OPCML: variants seen among roughly 807,000 people sequenced by gnomAD.
OPCML encodes the protein opioid binding protein/cell adhesion molecule like.
Under a neutral mutation model 37.8 loss-of-function variants are expected in OPCML, and 13 were observed. That is an observed-to-expected ratio of 0.34 (90% CI 0.22 to 0.55). The LOEUF (loss-of-function observed/expected upper bound fraction) is 0.55. OPCML is among the 20% of genes least tolerant of loss of function. The pLI, the probability that OPCML is intolerant of heterozygous loss-of-function variation, is 0.91. For missense variants in OPCML, 341 were observed against 435.6 expected (o/e 0.78, Z 1.93); for synonymous variants, 176 against 168.8 (o/e 1.04, Z -0.33).
chr11:133,088,152 A>G (rs1226444673), intron 1 of OPCML, among the ~76,000 whole-genome samples: 1 of 152,212 alleles, frequency 6.6e-6, no homozygotes, highest in Non-Finnish European at 1.5e-5. Flanking sequence ...AAAGAGAAAG[A>G]GTACTATTAC....
intron 1 of OPCML, among the ~76,000 whole-genome samples, chr11:133,027,470 AGTGT>A (rs112879269): frequency 0.11 from 15,710 of 144,922 alleles, 1,247 homozygotes; most frequent in East Asian, 0.3. Context: ...TGGTCTATGT[AGTGT>A]GTGTGTGTGT....
intron 1 of OPCML, chr11:133,421,092 G>A (rs949171879): frequency 1.5e-5 from 15 of 985,206 alleles, no homozygotes; most frequent in Admixed American, 6.2e-5. Flanking sequence ...CATAATCTGC[G>A]GTCAGCAGGG....
rs184134224 is a variant in OPCML, at chr11:132,699,251, T to G, written c.147-41932A>C. Among the ~76,000 whole-genome samples the G allele has an allele frequency of 2.0e-5, 3 of 152,226 alleles. No individual in the cohort carries two copies. The East Asian group carries it at 5.8e-4, about 29-fold the overall frequency. ...TTTATTAGTTCTAGCAGTTTGTTGG[T>G]GGAGGCTTTGGCATTTTCTATATTT... On this transcript the variant is annotated intron_variant, in intron 2 of 7. Coordinates refer to ENST00000524381, the MANE Select transcript of OPCML (RefSeq NM_001012393.5).
chr11:132,658,251 C>A (rs1296582541), intron 2 of OPCML, among the ~76,000 whole-genome samples: 1 of 152,352 alleles, frequency 6.6e-6, no homozygotes, highest in South Asian at 2.1e-4. Flanking sequence ...TGCACAAGGA[C>A]AACCACTCTT....
chr11:132,552,652 C>A (rs2096384594), intron 3 of OPCML, among the ~76,000 whole-genome samples: 1 of 151,986 alleles, frequency 6.6e-6, no homozygotes, highest in Non-Finnish European at 1.5e-5. Flanking sequence ...TATTTATCTA[C>A]TTTCTTTCCA....
At chr11:132,890,123 A>G (rs746462523) in intron 2 of OPCML, among the ~76,000 whole-genome samples, 2 of 152,040 alleles carry the variant, frequency 1.3e-5, no homozygotes, top group African/African-American at 4.8e-5. Flanking sequence ...TCCTTTTATA[A>G]CCTAAATTTT....
chr11:133,361,610 C>A, intron 1 of OPCML: 1 of 165,738 alleles, frequency 6.0e-6, no homozygotes. Context: ...TGCAGCTACT[C>A]CGGGGCACCT....
At chr11:133,095,848 G>T (rs1473494398) in intron 1 of OPCML, among the ~76,000 whole-genome samples, 1 of 151,604 alleles carries the variant, frequency 6.6e-6, no homozygotes, top group Non-Finnish European at 1.5e-5. Flanking sequence ...CACCAACCAA[G>T]AATTCTGTAC....
intron 1 of OPCML, among the ~76,000 whole-genome samples, chr11:133,106,569 T>C (rs375455889): frequency 3.9e-5 from 6 of 152,198 alleles, no homozygotes; most frequent in African/African-American, 9.7e-5. Context: ...GCAGTGCTTA[T>C]AGCAATGTGC....
intron 7 of OPCML, among the ~76,000 whole-genome samples, chr11:132,424,574 A>C (rs1161210891): frequency 1.3e-5 from 2 of 152,182 alleles, no homozygotes; most frequent in Non-Finnish European, 2.9e-5. Context: ...AATGCTCTCT[A>C]CGCTCCCCCG....
At chr11:132,933,580 G>A (rs1226520635) in intron 2 of OPCML, among the ~76,000 whole-genome samples, 1 of 152,034 alleles carries the variant, frequency 6.6e-6, no homozygotes, top group Non-Finnish European at 1.5e-5. Flanking sequence ...ATGTGTGTGT[G>A]TGCGTGTGTG....
chr11:132,978,064 A>T (rs1946502682), intron 1 of OPCML, among the ~76,000 whole-genome samples: 1 of 152,186 alleles, frequency 6.6e-6, no homozygotes, highest in South Asian at 2.1e-4. Context: ...AATGGTGTTG[A>T]GAAACTGGTG....
At chr11:133,530,240 T>G (rs1948577546) in intron 1 of OPCML, among the ~76,000 whole-genome samples, 1 of 152,190 alleles carries the variant, frequency 6.6e-6, no homozygotes, top group African/African-American at 2.4e-5. Flanking sequence ...TCCCCACCAG[T>G]GCAGTGCCAC....
chr11:132,480,666 A>C (rs1031863550), intron 4 of OPCML, among the ~76,000 whole-genome samples: 2 of 152,220 alleles, frequency 1.3e-5, no homozygotes, highest in African/African-American at 2.4e-5. Context: ...CTAACAGCGG[A>C]TCTCTTGGCA....
At chr11:132,524,290 A>G (rs149425041) in intron 4 of OPCML, among the ~76,000 whole-genome samples, 1 of 152,254 alleles carries the variant, frequency 6.6e-6, no homozygotes, top group East Asian at 1.9e-4. Context: ...GTATTCCAAT[A>G]CACCTTGCTT....
At chr11:133,015,329 AAAG>A (rs769446257) in intron 1 of OPCML, among the ~76,000 whole-genome samples, 50 of 149,348 alleles carry the variant, frequency 3.3e-4, no homozygotes, top group Non-Finnish European at 4.7e-4. Context: ...GAAAGGAAAA[AAAG>A]AAGGAAGGGA....
chr11:133,529,919 G>A lies in OPCML; in HGVS notation c.61+2345C>T, dbSNP rs183715682. On this transcript the variant is annotated intron_variant, in intron 1 of 7. Transcript: ENST00000524381. ...ACAGGAACCCCTCAAGATGCGAAGC[G>A]TTCTTTCACCGACACCTTCTAAGGC... Among the ~76,000 whole-genome samples the A allele has an allele frequency of 3.7e-4, 57 of 152,308 alleles. 1 individual carries two copies. The highest frequency in any genetic ancestry group is 1.3e-3 in the Admixed American group (20 of 15,306).
intron 2 of OPCML, among the ~76,000 whole-genome samples, chr11:132,917,276 C>T (rs561107926): frequency 1.2e-4 from 19 of 152,206 alleles, no homozygotes; most frequent in Non-Finnish European, 2.8e-4. Context: ...GGACAATTAG[C>T]ATTCAATAGT....
At chr11:132,966,601 C>T (rs1362237383) in intron 1 of OPCML, among the ~76,000 whole-genome samples, 1 of 151,980 alleles carries the variant, frequency 6.6e-6, no homozygotes, top group African/African-American at 2.4e-5. Context: ...TCTTCTATTT[C>T]CCTGTATCAT....
Sources: gnomAD v4.1 joint callset for allele counts (sites outside exome capture counted in the v4.1 genomes callset) on GRCh38, gnomAD v4.1.1 for gene constraint, MANE v1.5 for transcripts, NCBI Gene and HGNC (gene_info 2026-07-23, HGNC 2026-07-21) for gene names.